NKAIN2: variants seen among roughly 807,000 people sequenced by gnomAD.
NKAIN2 encodes the protein sodium/potassium-transporting ATPase subunit beta-1-interacting protein 2.
In NKAIN2, 14 loss-of-function variants were observed where a neutral mutation model predicts 32.6. The observed-to-expected ratio is 0.43, with a 90% CI of 0.28 to 0.67. The LOEUF (loss-of-function observed/expected upper bound fraction) is 0.67, where lower values mean the gene tolerates loss of function less well. NKAIN2 is among the 30% of genes least tolerant of loss of function. NKAIN2 has a pLI of 0.17. For synonymous variants in NKAIN2, 80 were observed against 87.2 expected, an observed-to-expected ratio of 0.92 and a Z score of 0.46; for missense variants, 198 against 258.3, an observed-to-expected ratio of 0.77 and a Z score of 1.60.
At chr6:124,008,567 C>T (rs904973141) in intron 1 of NKAIN2, among the ~76,000 whole-genome samples, 1 of 152,084 alleles carries the variant, frequency 6.6e-6, no homozygotes, top group African/African-American at 2.4e-5. Flanking sequence ...TGTGAGGCCT[C>T]CGAGAAGACC....
At position 124,679,974 on chromosome 6, in the gene NKAIN2, TGTAA is replaced by T. The variant is rs769370126; in HGVS notation, c.474+21591_474+21594del. Among the ~76,000 whole-genome samples, 5 of 152,266 alleles carry T rather than the reference TGTAA, an allele frequency of 3.3e-5. No individual in the cohort carries two copies. In the East Asian group the frequency reaches 7.7e-4, roughly 24 times the overall value. ...TGATGTGAAAGATAACAGAAACCAC[TGTAA>T]GTGTCTAAATAGATAAGAAAGCAAG... On this transcript the variant is annotated intron_variant, in intron 4 of 6. Transcript: ENST00000368417.
chr6:124,530,654 G>A (rs148564578), intron 3 of NKAIN2, among the ~76,000 whole-genome samples: 57 of 152,326 alleles, frequency 3.7e-4, no homozygotes, highest in African/African-American at 1.3e-3. Context: ...TTTACTCTCT[G>A]TAAGCTGGAG....
chr6:124,242,053 G>A (rs546925584), intron 1 of NKAIN2, among the ~76,000 whole-genome samples: 2 of 152,042 alleles, frequency 1.3e-5, no homozygotes, highest in African/African-American at 4.8e-5. Flanking sequence ...TTGACAAATG[G>A]GGTCTAATTA....
At chr6:124,347,852 G>A (rs138194426) in intron 2 of NKAIN2, among the ~76,000 whole-genome samples, 2,588 of 152,276 alleles carry the variant, frequency 0.017, 44 homozygotes, top group Non-Finnish European at 0.024. Flanking sequence ...GTCATTCTCC[G>A]TCCAGCTTTG....
chr6:123,900,734 G>C (rs1434231098), intron 1 of NKAIN2, among the ~76,000 whole-genome samples: 1 of 151,692 alleles, frequency 6.6e-6, no homozygotes, highest in Non-Finnish European at 1.5e-5. Context: ...CTTTTGGCTT[G>C]TTGTCTAATC....
intron 1 of NKAIN2, among the ~76,000 whole-genome samples, chr6:124,255,274 A>G (rs1239533747): frequency 2.0e-5 from 3 of 152,226 alleles, no homozygotes; most frequent in Non-Finnish European, 4.4e-5. Context: ...TATGACAGCC[A>G]TTTCACACTT....
At chr6:123,878,219 TC>T (rs1020521470) in intron 1 of NKAIN2, among the ~76,000 whole-genome samples, 4 of 100,960 alleles carry the variant, frequency 4.0e-5, no homozygotes, top group African/African-American at 2.0e-4. Flanking sequence ...AGAGTGAAAC[TC>T]CATCTCAAAA....
chr6:124,259,186 C>T (rs1457100447), intron 1 of NKAIN2, among the ~76,000 whole-genome samples: 2 of 152,186 alleles, frequency 1.3e-5, no homozygotes, highest in East Asian at 1.9e-4. Flanking sequence ...TACTTAAAAG[C>T]CCTTCTCAGC....
intron 2 of NKAIN2, among the ~76,000 whole-genome samples, chr6:124,326,637 A>AT (rs1382412173): frequency 6.6e-6 from 1 of 151,996 alleles, no homozygotes; most frequent in Non-Finnish European, 1.5e-5. Flanking sequence ...AGCTCTGCTC[A>AT]TTTTTGTTTT....
At chr6:124,362,006 T>C (rs62434744) in intron 3 of NKAIN2, among the ~76,000 whole-genome samples, 5,355 of 152,212 alleles carry the variant, frequency 0.035, 139 homozygotes, top group African/African-American at 0.042. Flanking sequence ...CAGAGAAATA[T>C]GCTGTAATCT....
At chr6:124,763,296 A>T (rs952151766) in intron 4 of NKAIN2, among the ~76,000 whole-genome samples, 1 of 152,210 alleles carries the variant, frequency 6.6e-6, no homozygotes, top group Admixed American at 6.5e-5. Flanking sequence ...GTTATTTACA[A>T]AGAAAAGAGG....
At chr6:123,839,193 A>G (rs144283023) in intron 1 of NKAIN2, among the ~76,000 whole-genome samples, 101 of 151,892 alleles carry the variant, frequency 6.6e-4, no homozygotes, top group Middle Eastern at 3.4e-3. Flanking sequence ...AAGGATCTCG[A>G]AGGTCATTAA....
intron 1 of NKAIN2, among the ~76,000 whole-genome samples, chr6:124,274,690 C>T (rs1368575178): frequency 1.3e-5 from 2 of 151,880 alleles, no homozygotes; most frequent in Non-Finnish European, 2.9e-5. Context: ...TAAGCATTAA[C>T]TTAAAAACAT....
chr6:124,693,145 G>A (rs1774340391), intron 4 of NKAIN2, among the ~76,000 whole-genome samples: 1 of 151,562 alleles, frequency 6.6e-6, no homozygotes, highest in South Asian at 2.1e-4. Context: ...GTACATTTAT[G>A]AGCCACATGA....
intron 4 of NKAIN2, among the ~76,000 whole-genome samples, chr6:124,742,766 C>A (rs751234611): frequency 1.3e-5 from 2 of 151,700 alleles, no homozygotes; most frequent in Non-Finnish European, 2.9e-5. Context: ...TCACTCCCTG[C>A]CATCACGCCC....
At chr6:124,338,694 T>G (rs1223429963) in intron 2 of NKAIN2, among the ~76,000 whole-genome samples, 1 of 152,180 alleles carries the variant, frequency 6.6e-6, no homozygotes, top group East Asian at 1.9e-4. Flanking sequence ...ACTGAGAATT[T>G]GCAGAGATGC....
chr6:124,468,553 C>T (rs1021152961), intron 3 of NKAIN2, among the ~76,000 whole-genome samples: 2 of 152,134 alleles, frequency 1.3e-5, no homozygotes, highest in African/African-American at 4.8e-5. Flanking sequence ...TTCGATTACA[C>T]ATGGTTATTA....
At chr6:124,234,948 C>T (rs1792667396) in intron 1 of NKAIN2, among the ~76,000 whole-genome samples, 2 of 152,242 alleles carry the variant, frequency 1.3e-5, no homozygotes, top group South Asian at 4.1e-4. Context: ...ATTTTTCCAT[C>T]AAGCAACTTA....
At chr6:124,011,115 A>G (rs9320970) in intron 1 of NKAIN2, among the ~76,000 whole-genome samples, 5,938 of 152,268 alleles carry the variant, frequency 0.039, 210 homozygotes, top group East Asian at 0.18. Context: ...AACTATTTGC[A>G]GAATCCAAAC....
Sources: gnomAD v4.1 joint callset for allele counts (sites outside exome capture counted in the v4.1 genomes callset) on GRCh38, gnomAD v4.1.1 for gene constraint, MANE v1.5 for transcripts, NCBI Gene and HGNC (gene_info 2026-07-23, HGNC 2026-07-21) for gene names.